ZNF354A: variants seen among roughly 807,000 people sequenced by gnomAD.
ZNF354A encodes the protein epididymis luminal protein 104.
Under a neutral mutation model 53.3 loss-of-function variants are expected in ZNF354A, and 25 were observed. That is an observed-to-expected ratio of 0.47 (90% CI 0.34 to 0.66). The LOEUF (loss-of-function observed/expected upper bound fraction) is 0.66, where lower values mean the gene tolerates loss of function less well. Among genes scored for constraint, ZNF354A ranks in the 30% least tolerant of loss-of-function variants. The probability of loss-of-function intolerance (pLI) is 0.01; values close to 1 mark genes in which losing one functional copy is unlikely to be tolerated. For synonymous variants in ZNF354A, 228 were observed against 249.0 expected (o/e 0.92, Z 0.79); for missense variants, 586 against 716.8 (o/e 0.82, Z 2.08).
intron 3 of ZNF354A, 122 bp from the exon 4 acceptor site, chr5:178,725,593 G>T (rs1765890853): frequency 3.0e-6 from 3 of 997,142 alleles, no homozygotes; most frequent in African/African-American, 1.6e-5. Flanking sequence ...TAGGGCTTCA[G>T]TTGTGCCCCT....
chr5:178,718,699 G>C (rs1329768441), intron 4 of ZNF354A, among the ~76,000 whole-genome samples: 1 of 151,992 alleles, frequency 6.6e-6, no homozygotes, highest in Non-Finnish European at 1.5e-5. Flanking sequence ...TTTTATCTTA[G>C]AATTTCTCTT....
chr5:178,729,872 G>GCTTCTTTTTTTT lies in ZNF354A; in HGVS notation c.-52+683_-52+684insAAAAAAAAGAAG, dbSNP rs746292908. Among the ~76,000 whole-genome samples, 103 of 143,386 alleles carry GCTTCTTTTTTTT rather than the reference G, an allele frequency of 7.2e-4. 3 individuals are homozygous for GCTTCTTTTTTTT. The highest frequency in any genetic ancestry group is 4.3e-3 in the Middle Eastern group (1 of 230). The allele number at this position is 143,386 out of a possible 152,430, so 94.1% of individuals were successfully genotyped here. On this transcript the variant is annotated intron_variant, in intron 1 of 4. Coordinates refer to ENST00000335815, the MANE Select transcript of ZNF354A (RefSeq NM_005649.3). The stretch of plus-strand genomic sequence containing the variant: ...CCATGTATCCCATTTCTAACACGAT[G>GCTTCTTTTTTTT]TTTCTTTTTTGAGACGGAGTCTCGC...
At position 178,712,232 on chromosome 5, in the gene ZNF354A, G is replaced by T; in HGVS notation, c.1646C>A (p.Pro549His). 2 of 1,614,044 alleles carry T rather than the reference G, an allele frequency of 1.2e-6. No homozygotes were observed. Among genetic ancestry groups the T allele is most frequent in the Non-Finnish European group, 1.7e-6 (2 of 1,179,988 alleles). Residue 549 changes from proline to histidine, a missense_variant, in exon 5 of 5, where the codon CCC (proline) becomes CAC (histidine). By Grantham distance (77) the Pro-to-His change is moderately conservative. This residue lies in a region of ZNF354A where 573 missense variants were observed against 680.1 expected (regional missense o/e 0.84). Transcript: ENST00000335815. ...QHRRIHTGEK[P>H]FKCNTCGKTF... ...TTTTCCACATGTATTACATTTAAAG[G>T]GTTTTTCTCCTGTATGAATCCTTCG... is the stretch of plus-strand genomic sequence containing the variant.
chr5:178,725,606 G>A (rs1026176781), intron 3 of ZNF354A, 135 bp from the exon 4 acceptor site: 39 of 837,640 alleles, frequency 4.7e-5, no homozygotes, highest in Admixed American at 8.2e-5. Flanking sequence ...GTGCCCCTGG[G>A]AGGTAAGGGG....
At chr5:178,715,328 T>TA (rs1313958266) in intron 4 of ZNF354A, among the ~76,000 whole-genome samples, 31 of 152,356 alleles carry the variant, frequency 2.0e-4, no homozygotes, top group African/African-American at 7.5e-4. Flanking sequence ...AGTGTTCACT[T>TA]ACTAGTTCCC....
Position 178,730,318 on chromosome 5 carries a change from G to A in ZNF354A, c.-52+238C>T, listed in dbSNP as rs1350812859. ...CGCGAGGCCCACATGGAGTGGGCAG[G>A]ACGGGCCCGGGAGGAAACGCCAGGC... is the stretch of plus-strand genomic sequence containing the variant. On this transcript the variant is annotated intron_variant, in intron 1 of 4. Transcript: ENST00000335815. 4.6e-5 allele frequency among the ~76,000 whole-genome samples: 7 copies of A among 152,172 alleles called. No homozygotes were observed. The South Asian group carries it at 1.4e-3, about 32-fold the overall frequency.
intron 2 of ZNF354A, among the ~76,000 whole-genome samples, chr5:178,727,851 C>A (rs1264231906): frequency 7.1e-6 from 1 of 140,554 alleles, no homozygotes; most frequent in Non-Finnish European, 1.6e-5. Flanking sequence ...GACTTGTACA[C>A]ATTTTTTTTT....
At chr5:178,726,135 C>T (rs1765902168) in intron 3 of ZNF354A, 2 of 455,304 alleles carry the variant, frequency 4.4e-6, no homozygotes, top group African/African-American at 2.0e-5. Flanking sequence ...AGCCACCGCG[C>T]CCGGCCTATG....
chr5:178,730,174 C>T lies in ZNF354A; in HGVS notation c.-52+382G>A, dbSNP rs553803613. 2.6e-5 allele frequency among the ~76,000 whole-genome samples: 4 copies of T among 152,306 alleles called. No individual in the cohort carries two copies. In the South Asian group the frequency reaches 8.3e-4, roughly 32 times the overall value. On this transcript the variant is annotated intron_variant, in intron 1 of 4. Coordinates refer to ENST00000335815, the MANE Select transcript of ZNF354A (RefSeq NM_005649.3). Reference sequence around the variant, plus strand: ...GCCACCGCGCCCGGCCAAACACCAGCTCTGAAGAGGAAAGCGCTGGGTGTC... The same window carrying T: ...GCCACCGCGCCCGGCCAAACACCAGTTCTGAAGAGGAAAGCGCTGGGTGTC...
intron 4 of ZNF354A, among the ~76,000 whole-genome samples, chr5:178,714,641 T>C (rs757616261): frequency 3.3e-5 from 5 of 152,256 alleles, no homozygotes; most frequent in Non-Finnish European, 7.3e-5. Context: ...AAAAGTTGTA[T>C]GTTTTGTTAA....
chr5:178,715,067 A>T (rs1765688611), intron 4 of ZNF354A, among the ~76,000 whole-genome samples: 1 of 152,212 alleles, frequency 6.6e-6, no homozygotes, highest in Admixed American at 6.5e-5. Context: ...AAGCATGGTT[A>T]ACATGGAAAA....
chr5:178,723,795 C>G (rs1343282804), intron 4 of ZNF354A, among the ~76,000 whole-genome samples: 1 of 151,916 alleles, frequency 6.6e-6, no homozygotes, highest in Non-Finnish European at 1.5e-5. Flanking sequence ...GAGCCAGAGC[C>G]CCCCCAGTTC....
At chr5:178,725,309 T>C in intron 4 of ZNF354A, 67 bp downstream of exon 4, 2 of 1,502,090 alleles carry the variant, frequency 1.3e-6, no homozygotes, top group East Asian at 2.3e-5. Flanking sequence ...CCAACCAACG[T>C]TCCTACCTCC....
At chr5:178,725,632 G>A (rs1765891609) in intron 3 of ZNF354A, among the ~76,000 whole-genome samples, 161 bp from the exon 4 acceptor site, 1 of 152,174 alleles carries the variant, frequency 6.6e-6, no homozygotes, top group Admixed American at 6.5e-5. Flanking sequence ...GCGGTAGGGT[G>A]AGGAAAAGAC....
Position 178,712,790 on chromosome 5 carries a change from A to C in ZNF354A, c.1088T>G (p.Phe363Cys). 1 of 1,614,110 alleles carries C rather than the reference A, an allele frequency of 6.2e-7. No individual in the cohort carries two copies. Among genetic ancestry groups the C allele is most frequent in the Non-Finnish European group, 8.5e-7 (1 of 1,180,000 alleles). Residue 363 changes from phenylalanine to cysteine, a missense_variant, in exon 5 of 5, where the codon TTT becomes TGT. Transcript: ENST00000335815. ...ATAACGAAGGGATGAGCTAGACTTA[A>C]AGGTGTTGCCACATTCATTACATAA... Reference protein sequence around the residue: ...SYLCNECGNTFKSSSSLRYHQ... With the variant: ...SYLCNECGNTCKSSSSLRYHQ...
chr5:178,719,032 T>G (rs1455176724), intron 4 of ZNF354A, among the ~76,000 whole-genome samples: 3 of 152,186 alleles, frequency 2.0e-5, no homozygotes, highest in Non-Finnish European at 4.4e-5. Flanking sequence ...CACTGTAGAG[T>G]GACTTGCTCC....
At chr5:178,728,782 C>CAAAAAAAAAAAAAAAAAAAAAAAAA (rs1157233878) in intron 2 of ZNF354A, among the ~76,000 whole-genome samples, 1 of 50,886 alleles carries the variant, frequency 2.0e-5, no homozygotes, top group South Asian at 1.1e-3. Flanking sequence ...AAGCGAGATT[C>CAAAAAAAAAAAAAAAAAAAAAAAAA]AAAAAAAAAA....
chr5:178,724,227 CT>C (rs768708878), intron 4 of ZNF354A, among the ~76,000 whole-genome samples: 1,487 of 143,172 alleles, frequency 0.01, 11 homozygotes, highest in African/African-American at 0.02. Context: ...GGCTTCCCGC[CT>C]TTTTTTTTTT....
At position 178,713,593 on chromosome 5, in the gene ZNF354A, C is replaced by T. The variant is rs138599283; in HGVS notation, c.285G>A (p.Lys95=). ...LGSKSSHKTT[K]STQTQDSSFQ... is the part of the protein sequence containing the mutation. ...ATGAAGAGTCTTGTGTTTGCGTTGA[C>T]TTTGTGGTTTTATGACTGCTCTTCG... The change falls in exon 5 of 5, where the codon AAG becomes AAA. Residue 95 remains lysine (K), a synonymous_variant. Transcript: ENST00000335815. 3.5e-4 allele frequency: 544 copies of T among 1,570,972 alleles called. 1 individual carries two copies. The highest frequency in any genetic ancestry group is 4.4e-4 in the Non-Finnish European group (509 of 1,167,350).
Sources: gnomAD v4.1 joint callset for allele counts (sites outside exome capture counted in the v4.1 genomes callset) on GRCh38, gnomAD v4.1.1 for gene constraint, gnomAD v4.1.1 regional missense constraint, MANE v1.5 for transcripts, NCBI Gene and HGNC (gene_info 2026-07-23, HGNC 2026-07-21) for gene names.